The following CTNNA3 variants were observed in gnomAD, a reference collection of about 807,000 sequenced individuals.
CTNNA3 encodes catenin alpha 3.
CTNNA3 carries 76 observed loss-of-function variants against 95.7 expected under a neutral mutation model. The ratio of observed to expected loss-of-function variants is 0.79; its 90% CI spans 0.66 to 0.96. The LOEUF (loss-of-function observed/expected upper bound fraction) is 0.96. Ranked by LOEUF, CTNNA3 falls within the 40% of genes least tolerant of loss-of-function variation. The pLI is 0.00. For synonymous variants in CTNNA3, 431 were observed against 374.4 expected (o/e 1.15, Z -1.74); for missense variants, 1,191 against 1,089.8 (o/e 1.09, Z -1.31).
intron 7 of CTNNA3, among the ~76,000 whole-genome samples, chr10:66,936,796 G>A (rs906941991): frequency 3.9e-5 from 6 of 151,996 alleles, no homozygotes; most frequent in East Asian, 1.9e-4. Flanking sequence ...TTTCTTATGC[G>A]TTATCAAATA....
intron 11 of CTNNA3, among the ~76,000 whole-genome samples, chr10:66,457,075 C>G (rs2093499486): frequency 6.6e-6 from 1 of 152,084 alleles, no homozygotes; most frequent in Admixed American, 6.6e-5. Context: ...GCCTAGGCAT[C>G]AAATTGAGAC....
chr10:67,587,708 T>C (rs1327963533), intron 3 of CTNNA3, among the ~76,000 whole-genome samples: 1 of 152,168 alleles, frequency 6.6e-6, no homozygotes, highest in Non-Finnish European at 1.5e-5. Context: ...ATTGTATTTA[T>C]TTGGGGATCA....
chr10:66,280,439 A>C (rs924163378), intron 13 of CTNNA3, 31 bp downstream of exon 13: 1 of 1,586,786 alleles, frequency 6.3e-7, no homozygotes, highest in African/African-American at 1.4e-5. Context: ...AGAACATTGC[A>C]ATAATTCAAT....
chr10:66,308,757 C>A (rs1246746536), intron 12 of CTNNA3, among the ~76,000 whole-genome samples: 1 of 152,026 alleles, frequency 6.6e-6, no homozygotes, highest in African/African-American at 2.4e-5. Flanking sequence ...TTGGCTAACC[C>A]TTGTACAGGC....
rs71466882 is a variant in CTNNA3, at chr10:66,479,950, T to TCACACACACACA, written c.1531+40655_1531+40666dup. 6.5e-3 allele frequency among the ~76,000 whole-genome samples: 945 copies of TCACACACACACA among 145,432 alleles called. 16 individuals carry two copies. Among genetic ancestry groups the TCACACACACACA allele is most frequent in the South Asian group, 0.036 (167 of 4,580 alleles). On this transcript the variant is annotated intron_variant, in intron 11 of 17. Coordinates refer to ENST00000433211, the MANE Select transcript of CTNNA3 (RefSeq NM_013266.4). Reference sequence around the variant, plus strand: ...AAGATAATTAAAAATACCAAAGCATTCACACACACACACACACACACACAC... The same window carrying TCACACACACACA: ...AAGATAATTAAAAATACCAAAGCATTCACACACACACACACACACACACACACACACACACAC...
chr10:67,484,931 C>T (rs1281949844), intron 5 of CTNNA3, among the ~76,000 whole-genome samples: 1 of 152,136 alleles, frequency 6.6e-6, no homozygotes, highest in Non-Finnish European at 1.5e-5. Flanking sequence ...GAACTTAAAA[C>T]AGGACTATCA....
chr10:67,581,223 G>A (rs1460806471), intron 3 of CTNNA3, among the ~76,000 whole-genome samples: 1 of 152,118 alleles, frequency 6.6e-6, no homozygotes, highest in South Asian at 2.1e-4. Context: ...ATTATTTTGA[G>A]ATATGTCCCA....
chr10:67,699,543 A>G (rs1399775892), upstream of CTNNA3, among the ~76,000 whole-genome samples: 2 of 152,196 alleles, frequency 1.3e-5, no homozygotes, highest in Non-Finnish European at 2.9e-5. Flanking sequence ...ATGAAAGACA[A>G]TGAAGCCACC....
chr10:66,005,714 G>A (rs1016979093), intron 15 of CTNNA3, among the ~76,000 whole-genome samples: 1 of 152,140 alleles, frequency 6.6e-6, no homozygotes, highest in East Asian at 1.9e-4. Flanking sequence ...CTGGCGTGGG[G>A]CAAAAGGAAG....
intron 7 of CTNNA3, among the ~76,000 whole-genome samples, chr10:67,118,946 T>C (rs1208410190): frequency 6.6e-6 from 1 of 151,940 alleles, no homozygotes; most frequent in Non-Finnish European, 1.5e-5. Context: ...CCAGAGAAAA[T>C]ATTATGAACC....
chr10:67,315,544 A>C (rs912671073), intron 5 of CTNNA3, among the ~76,000 whole-genome samples: 8 of 152,114 alleles, frequency 5.3e-5, no homozygotes, highest in Middle Eastern at 3.2e-3. Flanking sequence ...GTAAGTGCTT[A>C]GTAAAAAGCA....
intron 9 of CTNNA3, among the ~76,000 whole-genome samples, chr10:66,651,653 C>CCTGCCTGCTG (rs569047116): frequency 6.6e-6 from 1 of 151,532 alleles, no homozygotes; most frequent in Non-Finnish European, 1.5e-5. Flanking sequence ...GCGCAGTGCC[C>CCTGCCTGCTG]GCCGGCCGGC....
At chr10:66,247,923 TAGTA>T (rs2090402923) in intron 13 of CTNNA3, among the ~76,000 whole-genome samples, 1 of 152,138 alleles carries the variant, frequency 6.6e-6, no homozygotes, top group Non-Finnish European at 1.5e-5. Flanking sequence ...TCACCAGTAA[TAGTA>T]AGCACACAGA....
intron 5 of CTNNA3, among the ~76,000 whole-genome samples, chr10:67,427,542 G>A (rs1014930903): frequency 2.6e-5 from 4 of 151,824 alleles, no homozygotes; most frequent in Admixed American, 6.6e-5. Context: ...CTGCCTTCTC[G>A]AGATTATTTT....
intron 10 of CTNNA3, among the ~76,000 whole-genome samples, chr10:66,528,315 A>G (rs564004161): frequency 1.3e-5 from 2 of 152,244 alleles, no homozygotes; most frequent in South Asian, 4.1e-4. Context: ...GCTTCAGGCT[A>G]AGCTTCCTCA....
At position 67,216,651 on chromosome 10, in the gene CTNNA3, T is replaced by TA. The variant is rs201896643; in HGVS notation, c.843+2955dup. Among the ~76,000 whole-genome samples, 1,004 of 152,206 alleles carry TA rather than the reference T, an allele frequency of 6.6e-3. 13 individuals are homozygous for TA. The highest frequency in any genetic ancestry group is 0.022 in the African/African-American group (909 of 41,522). On this transcript the variant is annotated intron_variant, in intron 6 of 17. Transcript: ENST00000433211. ...ATGATACATGAATATGTAAAAAAGT[T>TA]AAAAAAAGTGAATATGACAGCTCTC...
At chr10:66,735,963 T>G (rs570282154) in intron 9 of CTNNA3, among the ~76,000 whole-genome samples, 36 of 152,308 alleles carry the variant, frequency 2.4e-4, no homozygotes, top group African/African-American at 6.0e-4. Flanking sequence ...GTTCTTACCC[T>G]TGCCTTGGGA....
intron 7 of CTNNA3, among the ~76,000 whole-genome samples, chr10:66,820,611 A>G (rs372934394): frequency 1.3e-5 from 2 of 151,228 alleles, no homozygotes; most frequent in South Asian, 4.2e-4. Flanking sequence ...AGAAAAGTAT[A>G]TGGTAACATA....
intron 8 of CTNNA3, among the ~76,000 whole-genome samples, chr10:66,769,751 T>A (rs1475011407): frequency 6.6e-6 from 1 of 152,202 alleles, no homozygotes; most frequent in Admixed American, 6.5e-5. Context: ...ATTCCTACCC[T>A]CCATCCATTA....
Sources: gnomAD v4.1 joint callset for allele counts (sites outside exome capture counted in the v4.1 genomes callset) on GRCh38, gnomAD v4.1.1 for gene constraint, MANE v1.5 for transcripts, NCBI Gene and HGNC (gene_info 2026-07-23, HGNC 2026-07-21) for gene names.